Variants in ADAM9 observed in about 807,000 individuals in gnomAD.
The protein encoded by ADAM9 is ADAM metallopeptidase domain 9.
ADAM9 carries 54 observed loss-of-function variants against 108.1 expected under a neutral mutation model. That is an observed-to-expected ratio of 0.50 (90% CI 0.40 to 0.63). ADAM9 has a LOEUF of 0.63. Ranked by LOEUF, ADAM9 falls within the 20% of genes least tolerant of loss-of-function variation. The pLI, the probability that ADAM9 is intolerant of heterozygous loss-of-function variation, is 0.00. For missense variants in ADAM9, 830 were observed against 997.7 expected (o/e 0.83, Z 2.26); for synonymous variants, 316 against 336.0 (o/e 0.94, Z 0.65).
At chr8:39,082,382 A>G (rs1420073792) in intron 16 of ADAM9, among the ~76,000 whole-genome samples, 1 of 152,176 alleles carries the variant, frequency 6.6e-6, no homozygotes, top group African/African-American at 2.4e-5. Flanking sequence ...CAATATTCAC[A>G]TGGAAGGATA....
chr8:39,088,597 C>G (rs1383804991), intron 18 of ADAM9, among the ~76,000 whole-genome samples: 1 of 152,088 alleles, frequency 6.6e-6, no homozygotes, highest in Non-Finnish European at 1.5e-5. Context: ...GGTTCTTTTA[C>G]AAACTTAAAA....
chr8:39,012,370 T>C (rs1164282501), intron 3 of ADAM9, among the ~76,000 whole-genome samples: 1 of 152,202 alleles, frequency 6.6e-6, no homozygotes, highest in Non-Finnish European at 1.5e-5. Context: ...CTGTCAACCA[T>C]TGTGGAAGAC....
At chr8:39,009,292 T>C (rs1187334727) in intron 2 of ADAM9, among the ~76,000 whole-genome samples, 1 of 152,262 alleles carries the variant, frequency 6.6e-6, no homozygotes, top group Non-Finnish European at 1.5e-5. Flanking sequence ...AGTTAATCCC[T>C]GTTTGGGTGC....
intron 20 of ADAM9, among the ~76,000 whole-genome samples, chr8:39,099,122 G>GT (rs1839603272): frequency 6.6e-6 from 1 of 152,044 alleles, no homozygotes; most frequent in Non-Finnish European, 1.5e-5. Context: ...GCAGGTTTTT[G>GT]TTTTTCTAGT....
At chr8:39,059,712 G>A (rs1216182241) in intron 14 of ADAM9, among the ~76,000 whole-genome samples, 1 of 152,228 alleles carries the variant, frequency 6.6e-6, no homozygotes, top group Non-Finnish European at 1.5e-5. Flanking sequence ...CAAGGAAAGT[G>A]AACAACCAGG....
intron 12 of ADAM9, among the ~76,000 whole-genome samples, chr8:39,045,460 GTGC>G (rs1837717962): frequency 6.7e-6 from 1 of 148,176 alleles, no homozygotes; most frequent in Non-Finnish European, 1.5e-5. Context: ...ACACCTATAT[GTGC>G]GTGTGTGTAC....
intron 7 of ADAM9, among the ~76,000 whole-genome samples, chr8:39,019,569 G>A (rs4367507): frequency 0.81 from 123,019 of 152,102 alleles, 49,900 homozygotes; most frequent in East Asian, 0.95. Context: ...TACTTCACAT[G>A]TTTAGGGGGT....
At position 39,034,684 on chromosome 8, in the gene ADAM9, T is replaced by C. The variant is rs537455017; in HGVS notation, c.1131-7262T>C. Among the ~76,000 whole-genome samples, 10 of 152,344 alleles carry C rather than the reference T, an allele frequency of 6.6e-5. No individual in the cohort carries two copies. The South Asian group carries it at 1.7e-3, about 25-fold the overall frequency. ...AGATCATCAGTTATTTTTCATCATATTGGGATTTTTCCATTGTCTTTTGCT... is the reference window on the plus strand; with the variant it reads ...AGATCATCAGTTATTTTTCATCATACTGGGATTTTTCCATTGTCTTTTGCT... On this transcript the variant is annotated intron_variant, in intron 11 of 21. Coordinates refer to ENST00000487273, the MANE Select transcript of ADAM9 (RefSeq NM_003816.3).
At chr8:39,051,502 T>G (rs1399149744) in intron 12 of ADAM9, among the ~76,000 whole-genome samples, 1 of 152,212 alleles carries the variant, frequency 6.6e-6, no homozygotes, top group Non-Finnish European at 1.5e-5. Flanking sequence ...TGCTTTTAGA[T>G]CTAGTAATTC....
chr8:39,103,671 G>C lies in ADAM9; in HGVS notation c.2431G>C (p.Ala811Pro). The C allele has an allele frequency of 6.2e-7, 1 of 1,613,778 alleles. No homozygotes were observed. Among genetic ancestry groups the C allele is most frequent in the Non-Finnish European group, 8.5e-7 (1 of 1,179,934 alleles). The change falls in exon 22 of 22, where the codon GCA becomes CCA. Residue 811 changes from alanine (A) to proline (P), a missense_variant. Around this residue, in one of 3 missense-constraint regions of ADAM9, gnomAD observed 238 missense variants for 235.7 expected, o/e 1.01. Coordinates refer to ENST00000487273, the MANE Select transcript of ADAM9 (RefSeq NM_003816.3). ...CTTAATTCCTGCCCGTCCTGCTCCT[G>C]CACCTCCTTTATATAGTTCCCTCAC... The part of the protein sequence containing the change: ...GNLIPARPAP[A>P]PPLYSSLT
intron 7 of ADAM9, among the ~76,000 whole-genome samples, chr8:39,019,957 A>G (rs1360847948): frequency 1.3e-5 from 2 of 152,260 alleles, no homozygotes; most frequent in Non-Finnish European, 2.9e-5. Flanking sequence ...TCTGTAGAAG[A>G]ATGTTTTGGA....
intron 7 of ADAM9, among the ~76,000 whole-genome samples, chr8:39,020,060 C>T (rs1271153560): frequency 6.6e-6 from 1 of 152,140 alleles, no homozygotes; most frequent in Non-Finnish European, 1.5e-5. Flanking sequence ...CCGAGGCGGG[C>T]GGATCACGAG....
intron 20 of ADAM9, among the ~76,000 whole-genome samples, chr8:39,100,507 AAG>A (rs1193878939): frequency 7.2e-5 from 11 of 151,938 alleles, no homozygotes; most frequent in Admixed American, 1.3e-4. Flanking sequence ...AAAAAAAAAA[AAG>A]ATTCAGTGAA....
chr8:39,093,968 T>C (rs1181261262), intron 20 of ADAM9, among the ~76,000 whole-genome samples: 2 of 152,150 alleles, frequency 1.3e-5, no homozygotes, highest in South Asian at 2.1e-4. Flanking sequence ...GACAGGGTTT[T>C]GCCATATTGG....
chr8:39,103,570 C>G lies in ADAM9; in HGVS notation c.2367-37C>G, dbSNP rs780111222. ...TGAATATGGCATTATTTCACCCAGT[C>G]TAAACACTCTATTAACTATCTCTTT... is the stretch of plus-strand genomic sequence containing the variant. On this transcript the variant is annotated intron_variant, in intron 21 of 21. Coordinates refer to ENST00000487273, the MANE Select transcript of ADAM9 (RefSeq NM_003816.3). 16 of 1,585,900 alleles carry G rather than the reference C, an allele frequency of 1.0e-5. No individual in the cohort carries two copies. In the South Asian group the frequency reaches 1.8e-4, roughly 18 times the overall value.
At chr8:39,011,594 G>C in intron 2 of ADAM9, 64 bp from the exon 3 acceptor site, 2 of 1,409,206 alleles carry the variant, frequency 1.4e-6, no homozygotes, top group Non-Finnish European at 2.0e-6. Context: ...TCTTATAAAT[G>C]AGATGTTGTT....
intron 11 of ADAM9, among the ~76,000 whole-genome samples, chr8:39,029,871 T>C (rs1837044715): frequency 6.6e-6 from 1 of 152,214 alleles, no homozygotes; most frequent in Admixed American, 6.5e-5. Context: ...GACTTTGATA[T>C]TAGGGTGATG....
intron 18 of ADAM9, among the ~76,000 whole-genome samples, chr8:39,083,882 G>A (rs1839099143): frequency 6.6e-6 from 1 of 152,120 alleles, no homozygotes; most frequent in Non-Finnish European, 1.5e-5. Context: ...TGTATGTTAA[G>A]CTTTTAAAGA....
chr8:39,044,176 A>G (rs890205960), intron 12 of ADAM9, among the ~76,000 whole-genome samples: 1 of 152,324 alleles, frequency 6.6e-6, no homozygotes, highest in Admixed American at 6.5e-5. Flanking sequence ...GACCAATGTC[A>G]TGAAGCTTTT....
Sources: gnomAD v4.1 joint callset for allele counts (sites outside exome capture counted in the v4.1 genomes callset) on GRCh38, gnomAD v4.1.1 for gene constraint, gnomAD v4.1.1 regional missense constraint, MANE v1.5 for transcripts, NCBI Gene and HGNC (gene_info 2026-07-23, HGNC 2026-07-21) for gene names.